BMPER: variants seen among roughly 807,000 people sequenced by gnomAD.
BMPER encodes BMP binding endothelial regulator, also known as BMP-binding endothelial regulator protein.
A neutral mutation model predicts 87.3 loss-of-function variants in BMPER; 45 were observed. The ratio of observed to expected loss-of-function variants is 0.52; its 90% confidence interval spans 0.41 to 0.66. The LOEUF (loss-of-function observed/expected upper bound fraction) is 0.66. Ranked by LOEUF, BMPER falls within the 30% of genes least tolerant of loss-of-function variation. The pLI is 0.00. For synonymous variants in BMPER, 326 were observed against 316.2 expected (o/e 1.03, Z -0.33); for missense variants, 784 against 867.5 (o/e 0.90, Z 1.21).
At chr7:33,968,119 C>T (rs563537502) in intron 4 of BMPER, among the ~76,000 whole-genome samples, 5 of 152,218 alleles carry the variant, frequency 3.3e-5, no homozygotes, top group Non-Finnish European at 7.4e-5. Context: ...TCTTAAAGTC[C>T]AGCAGCCTTG....
intron 6 of BMPER, among the ~76,000 whole-genome samples, chr7:33,991,280 G>C (rs1419239153): frequency 6.6e-6 from 1 of 151,606 alleles, no homozygotes; most frequent in Non-Finnish European, 1.5e-5. Flanking sequence ...ATTGGTTATT[G>C]CCACAATTTT....
intron 13 of BMPER, among the ~76,000 whole-genome samples, chr7:34,102,193 G>T (rs530454821): frequency 6.6e-6 from 1 of 152,108 alleles, no homozygotes; most frequent in East Asian, 1.9e-4. Context: ...GTTTCAGGTG[G>T]GGTCATGGTC....
At chr7:34,056,750 T>C (rs561803027) in intron 9 of BMPER, among the ~76,000 whole-genome samples, 2 of 152,162 alleles carry the variant, frequency 1.3e-5, no homozygotes, top group African/African-American at 4.8e-5. Flanking sequence ...CCTGAGTAGC[T>C]GGGATTACAG....
At chr7:33,920,230 G>A (rs144866487) in intron 2 of BMPER, among the ~76,000 whole-genome samples, 2 of 152,168 alleles carry the variant, frequency 1.3e-5, no homozygotes, top group African/African-American at 4.8e-5. Context: ...TAACAAGTCA[G>A]TGGTTAGAAT....
chr7:34,037,754 C>T (rs973766449), intron 6 of BMPER, among the ~76,000 whole-genome samples: 4 of 152,162 alleles, frequency 2.6e-5, no homozygotes, highest in African/African-American at 9.7e-5. Flanking sequence ...TTATAATTTG[C>T]CTATGACAAA....
intron 6 of BMPER, among the ~76,000 whole-genome samples, chr7:33,996,139 A>G (rs1314807249): frequency 1.3e-5 from 2 of 152,174 alleles, no homozygotes; most frequent in African/African-American, 4.8e-5. Context: ...AAAAGTTAAG[A>G]TCCCTTGCTT....
At chr7:34,001,662 T>G (rs1786584460) in intron 6 of BMPER, among the ~76,000 whole-genome samples, 1 of 151,730 alleles carries the variant, frequency 6.6e-6, no homozygotes, top group Non-Finnish European at 1.5e-5. Context: ...TGTTTTTCTA[T>G]TCTCGATTTC....
chr7:34,145,348 C>T (rs559573506), intron 14 of BMPER, among the ~76,000 whole-genome samples: 1 of 152,214 alleles, frequency 6.6e-6, no homozygotes, highest in Non-Finnish European at 1.5e-5. Context: ...GCCCCCACCT[C>T]TGCAAACCCA....
chr7:33,928,047 C>T (rs1784400294), intron 2 of BMPER, among the ~76,000 whole-genome samples: 1 of 152,148 alleles, frequency 6.6e-6, no homozygotes, highest in Non-Finnish European at 1.5e-5. Context: ...GGGCTTCCTT[C>T]TCCTTCACCC....
chr7:33,921,745 G>T (rs1300378816), intron 2 of BMPER: 1 of 471,046 alleles, frequency 2.1e-6, no homozygotes, highest in Non-Finnish European at 4.4e-6. Flanking sequence ...GCAGGACGAA[G>T]CTGACGTGAC....
chr7:34,047,559 G>A (rs894208727), intron 7 of BMPER, among the ~76,000 whole-genome samples: 3 of 152,206 alleles, frequency 2.0e-5, no homozygotes, highest in East Asian at 1.9e-4. Context: ...TTACAGGCGT[G>A]AGCCACCATG....
At chr7:33,973,958 G>C (rs976423917) in intron 5 of BMPER, among the ~76,000 whole-genome samples, 4 of 152,066 alleles carry the variant, frequency 2.6e-5, no homozygotes, top group African/African-American at 4.8e-5. Flanking sequence ...CCTGGGTTTT[G>C]GTCCTATTAT....
At chr7:34,073,579 C>A (rs2127971412) in intron 11 of BMPER, among the ~76,000 whole-genome samples, 1 of 152,312 alleles carries the variant, frequency 6.6e-6, no homozygotes, top group African/African-American at 2.4e-5. Flanking sequence ...GTGTGCCAGG[C>A]ACTGAGGGGT....
At chr7:34,075,762 G>T (rs1455217158) in intron 11 of BMPER, among the ~76,000 whole-genome samples, 1 of 152,158 alleles carries the variant, frequency 6.6e-6, no homozygotes, top group Non-Finnish European at 1.5e-5. Flanking sequence ...TGAGGATGCT[G>T]TGTTCTTTTC....
chr7:33,951,213 A>G (rs1785012747), intron 3 of BMPER, among the ~76,000 whole-genome samples: 1 of 151,668 alleles, frequency 6.6e-6, no homozygotes. Flanking sequence ...ACGCCAAGCT[A>G]ATTTTTGTAT....
intron 11 of BMPER, among the ~76,000 whole-genome samples, chr7:34,075,949 A>T (rs924293461): frequency 6.6e-6 from 1 of 152,230 alleles, no homozygotes; most frequent in Non-Finnish European, 1.5e-5. Flanking sequence ...ATTTTAGTTC[A>T]TGATACAAAT....
At chr7:34,128,831 G>C (rs544209239) in intron 13 of BMPER, among the ~76,000 whole-genome samples, 1 of 152,240 alleles carries the variant, frequency 6.6e-6, no homozygotes, top group East Asian at 1.9e-4. Context: ...TTCCTAAAAA[G>C]CTACCGAGCT....
chr7:34,141,217 T>C (rs960151890), intron 13 of BMPER, among the ~76,000 whole-genome samples: 1 of 114,260 alleles, frequency 8.8e-6, no homozygotes, highest in African/African-American at 3.1e-5. Context: ...TTCCAGAGTC[T>C]CTACCCAGTG....
At chr7:33,929,603 A>G (rs1217264457) in intron 2 of BMPER, among the ~76,000 whole-genome samples, 1 of 152,218 alleles carries the variant, frequency 6.6e-6, no homozygotes. Context: ...CTTAGCCTCT[A>G]AATGAAGCTA....
Sources: gnomAD v4.1 joint callset for allele counts (sites outside exome capture counted in the v4.1 genomes callset) on GRCh38, gnomAD v4.1.1 for gene constraint, MANE v1.5 for transcripts, NCBI Gene and HGNC (gene_info 2026-07-23, HGNC 2026-07-21) for gene names.